ITGA9: variants seen among roughly 807,000 people sequenced by gnomAD.
ITGA9 encodes the protein integrin subunit alpha 9, also known as integrin alpha-9.
ITGA9 carries 56 observed loss-of-function variants against 127.8 expected under a neutral mutation model. The ratio of observed to expected loss-of-function variants is 0.44; its 90% CI spans 0.35 to 0.55. ITGA9 has a LOEUF of 0.55. Ranked by LOEUF, ITGA9 falls within the 20% of genes least tolerant of loss-of-function variation. The probability of loss-of-function intolerance (pLI) is 0.00; values close to 1 mark genes in which losing one functional copy is unlikely to be tolerated. For missense variants in ITGA9, 1,196 were observed against 1,347.1 expected, an observed-to-expected ratio of 0.89 and a Z score of 1.76; for synonymous variants, 508 against 514.5, an observed-to-expected ratio of 0.99 and a Z score of 0.17.
rs1698207321 is a variant in ITGA9 at position 37,452,619 on chromosome 3, C to A, written c.185+60C>A. On this transcript the variant is annotated intron_variant, in intron 1 of 27. Coordinates refer to ENST00000264741, the MANE Select transcript of ITGA9 (RefSeq NM_002207.3). This position sits in a 1 kb window ranked among gnomAD's most constrained non-coding sequence, Gnocchi z 7.3. ...CGCGGCCACCGCCCCGGCCCCCAGG[C>A]CAGCGCCGCCGCCGCCTTTCCGGTC... 7.3e-6 allele frequency: 10 copies of A among 1,365,458 alleles called. No homozygotes were observed. The highest frequency in any genetic ancestry group is 2.3e-4 in the Middle Eastern group (1 of 4,384). The allele number at this position is 1,365,458 out of a possible 1,614,324, so 84.6% of individuals were successfully genotyped here.
At chr3:37,718,712 G>C (rs1452806859) in intron 18 of ITGA9, among the ~76,000 whole-genome samples, 3 of 152,164 alleles carry the variant, frequency 2.0e-5, no homozygotes, top group Admixed American at 2.0e-4. Context: ...CACTTTTGAG[G>C]GTTTTTAACT....
intron 18 of ITGA9, among the ~76,000 whole-genome samples, chr3:37,719,803 A>G (rs1342300935): frequency 6.6e-6 from 1 of 152,184 alleles, no homozygotes; most frequent in East Asian, 1.9e-4. Flanking sequence ...ATCACTGCCC[A>G]TACAAACTAA....
chr3:37,665,989 A>G (rs904834008), intron 17 of ITGA9, among the ~76,000 whole-genome samples: 4 of 152,202 alleles, frequency 2.6e-5, no homozygotes, highest in Non-Finnish European at 5.9e-5. Context: ...GAGAGGTGAC[A>G]CAATGCTACG....
chr3:37,782,193 C>T (rs1696983041), intron 25 of ITGA9, among the ~76,000 whole-genome samples: 1 of 152,242 alleles, frequency 6.6e-6, no homozygotes, highest in African/African-American at 2.4e-5. Flanking sequence ...AAAAATGGTG[C>T]TGCAGACAGT....
At chr3:37,652,669 C>T (rs941677185) in intron 16 of ITGA9, among the ~76,000 whole-genome samples, 2 of 152,194 alleles carry the variant, frequency 1.3e-5, no homozygotes, top group Admixed American at 1.3e-4. Context: ...AAGAAATAAC[C>T]TGGAACTACA....
At chr3:37,659,566 G>A (rs561209750) in intron 17 of ITGA9, among the ~76,000 whole-genome samples, 2 of 151,932 alleles carry the variant, frequency 1.3e-5, no homozygotes, top group South Asian at 4.2e-4. Flanking sequence ...GGTTATTTTA[G>A]TTTGCAATTT....
chr3:37,661,118 G>T (rs1352914984), intron 17 of ITGA9, among the ~76,000 whole-genome samples: 1 of 152,224 alleles, frequency 6.6e-6, no homozygotes, highest in Non-Finnish European at 1.5e-5. Context: ...AGGAGGTGAA[G>T]ACTTGGGACC....
intron 26 of ITGA9, among the ~76,000 whole-genome samples, chr3:37,796,150 C>G (rs114500176): frequency 2.2e-3 from 337 of 152,160 alleles, no homozygotes; most frequent in Non-Finnish European, 3.7e-3. Context: ...GTTTGCACAT[C>G]ATGTTCCCTC....
chr3:37,676,697 G>A (rs1377889995), intron 17 of ITGA9, among the ~76,000 whole-genome samples: 2 of 152,124 alleles, frequency 1.3e-5, no homozygotes, highest in Admixed American at 1.3e-4. Context: ...TCTTAAGTTG[G>A]TCACTCAAGA....
intron 15 of ITGA9, among the ~76,000 whole-genome samples, chr3:37,602,608 T>A (rs903154811): frequency 6.6e-6 from 1 of 152,246 alleles, no homozygotes; most frequent in South Asian, 2.1e-4. Flanking sequence ...TTTTAATTTT[T>A]ATTTTTTGCA....
chr3:37,805,663 A>G (rs1386861411), intron 27 of ITGA9, among the ~76,000 whole-genome samples: 1 of 151,994 alleles, frequency 6.6e-6, no homozygotes, highest in Non-Finnish European at 1.5e-5. Flanking sequence ...TAAAAATTAT[A>G]TTTATTTTTT....
chr3:37,564,252 C>T (rs1699524066), intron 15 of ITGA9, among the ~76,000 whole-genome samples: 1 of 152,210 alleles, frequency 6.6e-6, no homozygotes, highest in South Asian at 2.1e-4. Context: ...TCTCTCTACT[C>T]ATGTAGAAAC....
chr3:37,647,220 T>C (rs6780578), intron 16 of ITGA9, among the ~76,000 whole-genome samples: 9,108 of 152,224 alleles, frequency 0.06, 377 homozygotes, highest in African/African-American at 0.11. Context: ...TTTTTGTTAA[T>C]AGCATTGCCC....
chr3:37,535,057 CATAAG>C (rs1470765341), intron 14 of ITGA9, among the ~76,000 whole-genome samples: 6 of 152,222 alleles, frequency 3.9e-5, no homozygotes, highest in African/African-American at 1.4e-4. Flanking sequence ...TTTTGATACA[CATAAG>C]AATGAGAACT....
At chr3:37,565,947 A>G (rs1301136238) in intron 15 of ITGA9, among the ~76,000 whole-genome samples, 3 of 152,228 alleles carry the variant, frequency 2.0e-5, no homozygotes, top group Non-Finnish European at 2.9e-5. Context: ...GATAGTTCTT[A>G]TAGATGATAA....
At chr3:37,512,195 TTTTCTTTTCTTTTCTTTCTTTC>T (rs1698937159) in intron 8 of ITGA9, among the ~76,000 whole-genome samples, 1 of 58,980 alleles carries the variant, frequency 1.7e-5, no homozygotes, top group Non-Finnish European at 3.1e-5. Flanking sequence ...TTTTCTTTTC[TTTTCTTTTCTTTTCTTTCTTTC>T]TTTCTTCTTT....
chr3:37,630,792 G>A (rs540044803), intron 16 of ITGA9, among the ~76,000 whole-genome samples: 2 of 152,212 alleles, frequency 1.3e-5, no homozygotes, highest in Non-Finnish European at 2.9e-5. Context: ...AGAGTGGCCT[G>A]TAAGTCCCAC....
At position 37,537,684 on chromosome 3, in the gene ITGA9, C is replaced by T. The variant is rs560619203; in HGVS notation, c.1528+4216C>T. Among the ~76,000 whole-genome samples the T allele has an allele frequency of 1.1e-4, 16 of 152,216 alleles. No homozygotes were observed. In the East Asian group the frequency reaches 1.2e-3, roughly 11 times the overall value. ...TTCTAGTGGGAGGGGGGCAGGCAGA[C>T]GGGACAAAAACAACCAGCTGCTCTC... On this transcript the variant is annotated intron_variant, in intron 14 of 27. Coordinates refer to ENST00000264741, the MANE Select transcript of ITGA9 (RefSeq NM_002207.3).
chr3:37,758,399 C>A (rs1256953898), intron 23 of ITGA9, among the ~76,000 whole-genome samples: 1 of 135,238 alleles, frequency 7.4e-6, no homozygotes, highest in African/African-American at 2.8e-5. Context: ...CTGGGTAAAA[C>A]AGGATGTAAT....
Sources: gnomAD v4.1 joint callset for allele counts (sites outside exome capture counted in the v4.1 genomes callset) on GRCh38, gnomAD v4.1.1 for gene constraint, Gnocchi (gnomAD v3.1) non-coding constraint, MANE v1.5 for transcripts, NCBI Gene and HGNC (gene_info 2026-07-23, HGNC 2026-07-21) for gene names.